Variants in ADGRB3 observed in about 807,000 individuals in gnomAD.
The protein encoded by ADGRB3 is brain-specific angiogenesis inhibitor 3.
Under a neutral mutation model 193.4 loss-of-function variants are expected in ADGRB3, and 37 were observed. The ratio of observed to expected loss-of-function variants is 0.19; its 90% confidence interval spans 0.15 to 0.25. ADGRB3 has a LOEUF of 0.25. Among genes scored for constraint, ADGRB3 ranks in the 10% least tolerant of loss-of-function variants. The probability of loss-of-function intolerance (pLI) is 1.00; values close to 1 mark genes in which losing one functional copy is unlikely to be tolerated. For synonymous variants in ADGRB3, 690 were observed against 644.2 expected (o/e 1.07, Z -1.08); for missense variants, 1,637 against 1,852.9 (o/e 0.88, Z 2.14).
intron 17 of ADGRB3, among the ~76,000 whole-genome samples, chr6:69,224,849 A>G (rs1038225770): frequency 6.6e-6 from 1 of 152,178 alleles, no homozygotes; most frequent in Non-Finnish European, 1.5e-5. Context: ...TACATAAATT[A>G]AACTTTATTC....
chr6:69,295,537 A>G (rs929835038), intron 20 of ADGRB3, among the ~76,000 whole-genome samples: 1 of 152,164 alleles, frequency 6.6e-6, no homozygotes, highest in Non-Finnish European at 1.5e-5. Flanking sequence ...AGCCTCCTCC[A>G]AGGGCTGAGA....
Position 69,235,154 on chromosome 6 carries a change from G to T in ADGRB3, c.2711+19G>T. The T allele has an allele frequency of 6.6e-7, 1 of 1,517,584 alleles. No individual in the cohort carries two copies. Among genetic ancestry groups the T allele is most frequent in the South Asian group, 1.1e-5 (1 of 87,542 alleles). The allele number at this position is 1,517,584 out of a possible 1,614,324, so 94.0% of individuals were successfully genotyped here. ...TATGGAGGTAAGTAATCAATTGATA[G>T]ACCTGAAATGCAATGCTTAGTTGTT... is the stretch of plus-strand genomic sequence containing the variant. On this transcript the variant is annotated intron_variant, in intron 19 of 31. Transcript: ENST00000370598.
intron 3 of ADGRB3, among the ~76,000 whole-genome samples, chr6:68,702,067 G>A (rs1265190755): frequency 6.6e-6 from 1 of 152,094 alleles, no homozygotes; most frequent in Non-Finnish European, 1.5e-5. Context: ...ATAAGAAAAA[G>A]AGGAGTAAGT....
chr6:68,943,920 C>T lies in ADGRB3; in HGVS notation c.1121C>T (p.Pro374Leu). 6.2e-7 allele frequency: 1 copy of T among 1,613,928 alleles called. No individual in the cohort carries two copies. Among genetic ancestry groups the T allele is most frequent in the Non-Finnish European group, 8.5e-7 (1 of 1,179,846 alleles). Residue 374 changes from proline (P) to leucine (L), a missense_variant, in exon 6 of 32, where the codon CCT becomes CTT. Pro to Leu is a moderately conservative substitution (Grantham distance 98). Coordinates refer to ENST00000370598, the MANE Select transcript of ADGRB3 (RefSeq NM_001704.3). Reference sequence around the variant, plus strand: ...AGAACAAGAACAAGGTCATGCACACCTCCTCAGTATGGAGGAAGGCCGTGT... The same window carrying T: ...AGAACAAGAACAAGGTCATGCACACTTCCTCAGTATGGAGGAAGGCCGTGT... ...GQRTRTRSCT[P>L]PQYGGRPCEG...
intron 10 of ADGRB3, among the ~76,000 whole-genome samples, chr6:68,987,000 C>T (rs1374186341): frequency 2.6e-5 from 4 of 152,022 alleles, no homozygotes; most frequent in Non-Finnish European, 5.9e-5. Flanking sequence ...AGGCTTAATC[C>T]AGAACTCTGA....
intron 3 of ADGRB3, among the ~76,000 whole-genome samples, chr6:68,889,989 CCAA>C (rs1325398827): frequency 1.3e-5 from 2 of 151,914 alleles, no homozygotes; most frequent in Non-Finnish European, 2.9e-5. Flanking sequence ...CTATACATGG[CCAA>C]CAATTAATTT....
At chr6:69,297,400 C>CTG (rs1258641248) in intron 20 of ADGRB3, among the ~76,000 whole-genome samples, 1 of 144,030 alleles carries the variant, frequency 6.9e-6, no homozygotes, top group Non-Finnish European at 1.5e-5. Flanking sequence ...CTATCTCTCT[C>CTG]TCTCTCTCTC....
chr6:68,678,928 T>A (rs1032491480), intron 3 of ADGRB3, among the ~76,000 whole-genome samples: 2 of 152,152 alleles, frequency 1.3e-5, no homozygotes, highest in Admixed American at 1.3e-4. Flanking sequence ...TACTTCAAGT[T>A]GTCCAATGAC....
intron 20 of ADGRB3, among the ~76,000 whole-genome samples, chr6:69,287,582 A>G (rs1315878199): frequency 3.3e-5 from 5 of 152,328 alleles, no homozygotes; most frequent in South Asian, 2.1e-4. Context: ...AACCACTGCA[A>G]TGTCCCCATT....
intron 29 of ADGRB3, among the ~76,000 whole-genome samples, chr6:69,362,552 A>T (rs914068780): frequency 2.0e-5 from 3 of 151,990 alleles, no homozygotes; most frequent in Non-Finnish European, 4.4e-5. Flanking sequence ...GGGTTTTCCC[A>T]ATTGATTGAG....
chr6:68,865,348 C>G (rs553864375), intron 3 of ADGRB3, among the ~76,000 whole-genome samples: 1 of 152,174 alleles, frequency 6.6e-6, no homozygotes, highest in South Asian at 2.1e-4. Context: ...ACAAACTTAT[C>G]CAAGGCTGAG....
chr6:69,152,126 G>T (rs1774697680), intron 17 of ADGRB3, among the ~76,000 whole-genome samples: 1 of 152,166 alleles, frequency 6.6e-6, no homozygotes, highest in Non-Finnish European at 1.5e-5. Flanking sequence ...CTCTATGTCA[G>T]CATGAGAACA....
At chr6:69,284,165 C>T (rs1036377915) in intron 20 of ADGRB3, among the ~76,000 whole-genome samples, 4 of 152,106 alleles carry the variant, frequency 2.6e-5, no homozygotes, top group Non-Finnish European at 4.4e-5. Flanking sequence ...CATCTATCAC[C>T]CTTCACCTTG....
intron 13 of ADGRB3, among the ~76,000 whole-genome samples, chr6:69,032,688 C>A (rs971293512): frequency 6.6e-6 from 1 of 152,166 alleles, no homozygotes; most frequent in Non-Finnish European, 1.5e-5. Context: ...TCACTGAATT[C>A]CAAATAAATA....
chr6:68,814,618 T>C (rs1256475919), intron 3 of ADGRB3, among the ~76,000 whole-genome samples: 2 of 152,148 alleles, frequency 1.3e-5, no homozygotes, highest in Non-Finnish European at 2.9e-5. Flanking sequence ...CATGAAGTCC[T>C]TGCCCATGCC....
chr6:68,868,951 G>GTGTGTGTGTGTGTGTGCGTGTGTT (rs781022363), intron 3 of ADGRB3, among the ~76,000 whole-genome samples: 1 of 150,394 alleles, frequency 6.6e-6, no homozygotes, highest in African/African-American at 2.5e-5. Flanking sequence ...GAGTGTGTGT[G>GTGTGTGTGTGTGTGTGCGTGTGTT]TTTAAACTTA....
At chr6:68,698,472 G>C (rs770150670) in intron 3 of ADGRB3, among the ~76,000 whole-genome samples, 1 of 151,930 alleles carries the variant, frequency 6.6e-6, no homozygotes, top group Admixed American at 6.6e-5. Context: ...AGGAAGGTTC[G>C]TGTATTAATT....
chr6:68,939,127 G>A (rs911486320), intron 5 of ADGRB3, among the ~76,000 whole-genome samples: 2 of 152,104 alleles, frequency 1.3e-5, no homozygotes, highest in East Asian at 3.9e-4. Flanking sequence ...GGATCAGAGC[G>A]CTTCTCCCCC....
intron 3 of ADGRB3, among the ~76,000 whole-genome samples, chr6:68,656,178 A>G (rs1768486333): frequency 6.6e-6 from 1 of 151,624 alleles, no homozygotes; most frequent in East Asian, 1.9e-4. Flanking sequence ...CTATTTTTTA[A>G]AAGATCATAC....
Sources: allele counts gnomAD v4.1 joint callset (sites outside exome capture counted in the v4.1 genomes callset), GRCh38; gene constraint gnomAD v4.1.1; transcripts MANE v1.5; gene names NCBI Gene and HGNC (gene_info 2026-07-23, HGNC 2026-07-21).